Variants in WDR35 observed in about 807,000 individuals in gnomAD.
The protein encoded by WDR35 is WD repeat-containing protein 35.
Under a neutral mutation model 158.3 loss-of-function variants are expected in WDR35, and 118 were observed. The ratio of observed to expected loss-of-function variants is 0.75; its 90% CI spans 0.64 to 0.87. The LOEUF (loss-of-function observed/expected upper bound fraction) is 0.87, where lower values mean the gene tolerates loss of function less well. Ranked by LOEUF, WDR35 falls within the 40% of genes least tolerant of loss-of-function variation. The probability of loss-of-function intolerance (pLI) is 0.00; values close to 1 mark genes in which losing one functional copy is unlikely to be tolerated. For missense variants in WDR35, 1,263 were observed against 1,405.8 expected, an observed-to-expected ratio of 0.90 and a Z score of 1.62; for synonymous variants, 448 against 476.1, an observed-to-expected ratio of 0.94 and a Z score of 0.77.
At chr2:19,969,178 G>T (rs7575732) in intron 9 of WDR35, among the ~76,000 whole-genome samples, 1 of 151,970 alleles carries the variant, frequency 6.6e-6, no homozygotes, top group South Asian at 2.1e-4. Flanking sequence ...TCTTTGGGTG[G>T]TACTTTTTAT....
chr2:19,982,558 C>T, intron 2 of WDR35, 24 bp from the exon 3 acceptor site: 2 of 1,607,794 alleles, frequency 1.2e-6, no homozygotes, highest in East Asian at 2.2e-5. Flanking sequence ...AAACAAACTA[C>T]TATGATAAAT....
intron 12 of WDR35, 65 bp downstream of exon 12, chr2:19,953,769 A>G (rs547119714): frequency 4.4e-6 from 7 of 1,604,956 alleles, no homozygotes; most frequent in South Asian, 3.3e-5. Context: ...ACAATTTACA[A>G]TTACTATGTC....
chr2:19,940,686 T>C (rs1378832681), intron 17 of WDR35, among the ~76,000 whole-genome samples: 1 of 152,180 alleles, frequency 6.6e-6, no homozygotes, highest in Non-Finnish European at 1.5e-5. Flanking sequence ...TGCTTCTTCC[T>C]TTGGGGCACC....
chr2:19,920,624 T>C (rs911045992), intron 25 of WDR35, among the ~76,000 whole-genome samples: 1 of 152,166 alleles, frequency 6.6e-6, no homozygotes, highest in African/African-American at 2.4e-5. Context: ...GCCAATATCA[T>C]ACTGAATGGG....
chr2:19,913,347 T>A lies in WDR35; in HGVS notation c.*211A>T, dbSNP rs978822049. On this transcript the variant is annotated 3_prime_UTR_variant, in exon 27 of 27. Transcript: ENST00000281405. ...TGAGAGAAAACATGGTTGATTTTCA[T>A]ACATTTATATGAAAATCGGCCTTAT... 4 of 497,596 alleles carry A rather than the reference T, an allele frequency of 8.0e-6. No homozygotes were observed. The highest frequency in any genetic ancestry group is 6.9e-6 in the Non-Finnish European group (2 of 288,228). 30.8% of individuals were successfully genotyped at this position (497,596 alleles called of 1,614,324 possible).
chr2:19,913,895 T>TA, intron 26 of WDR35, 142 bp downstream of exon 26: 1 of 1,417,930 alleles, frequency 7.1e-7, no homozygotes. Context: ...AATACACTTG[T>TA]AAAAATAAAT....
At chr2:19,978,098 G>T (rs1438137483) in intron 5 of WDR35, among the ~76,000 whole-genome samples, 2 of 151,932 alleles carry the variant, frequency 1.3e-5, no homozygotes, top group East Asian at 3.9e-4. Flanking sequence ...ATCTAGGTCT[G>T]GTCATTGCTG....
At chr2:19,939,274 G>A (rs1670797283) in intron 17 of WDR35, among the ~76,000 whole-genome samples, 1 of 151,914 alleles carries the variant, frequency 6.6e-6, no homozygotes, top group East Asian at 1.9e-4. Context: ...ATTACAAGAC[G>A]AAATTTAAAT....
intron 21 of WDR35, 108 bp from the exon 22 acceptor site, chr2:19,933,619 T>C: frequency 1.1e-6 from 1 of 950,584 alleles, no homozygotes; most frequent in Non-Finnish European, 1.6e-6. Context: ...TTACTGGTAG[T>C]TACAGATTTT....
chr2:19,946,535 T>C lies in WDR35; in HGVS notation c.1560A>G (p.Leu520=). The C allele has an allele frequency of 6.2e-7, 1 of 1,613,670 alleles. No individual in the cohort carries two copies. Among genetic ancestry groups the C allele is most frequent in the African/African-American group, 1.3e-5 (1 of 75,030 alleles). ...RESGTIQRYS[L]PNVGLIQKYS... Reference sequence around the variant, plus strand: ...ATTTTTGAATCAAACCAACATTAGGTAGACTGTATCTCTGAATGGTGCCAG... The same window carrying C: ...ATTTTTGAATCAAACCAACATTAGGCAGACTGTATCTCTGAATGGTGCCAG... Residue 520 remains leucine, a synonymous_variant, in exon 15 of 27, where the codon CTA becomes CTG. Coordinates refer to ENST00000281405, the MANE Select transcript of WDR35 (RefSeq NM_020779.4).
Position 19,941,837 on chromosome 2 carries a change from T to C in WDR35, c.1848A>G (p.Glu616=). Residue 616 remains glutamate, a splice_region_variant and synonymous_variant, in exon 17 of 27, where the codon GAA becomes GAG. Transcript: ENST00000281405. ...AAATATATCCAGAGGTCTGAATGGG[T>C]TCCTTTAAAGACAAAAAAAAAGTTA... ...MYVFRNLDPE[E]PIQTSGYICN... 1.3e-6 allele frequency: 2 copies of C among 1,568,054 alleles called. No individual in the cohort carries two copies. The highest frequency in any genetic ancestry group is 1.8e-4 in the Middle Eastern group (1 of 5,650).
intron 21 of WDR35, among the ~76,000 whole-genome samples, chr2:19,933,851 A>T (rs1315098327): frequency 1.3e-5 from 2 of 152,318 alleles, no homozygotes; most frequent in East Asian, 3.9e-4. Context: ...CCTTTATATC[A>T]ATTGGTGGTA....
At position 19,939,255 on chromosome 2, in the gene WDR35, G is replaced by A. The variant is rs80278300; in HGVS notation, c.1927-854C>T. On this transcript the variant is annotated intron_variant, in intron 17 of 26. Coordinates refer to ENST00000281405, the MANE Select transcript of WDR35 (RefSeq NM_020779.4). The stretch of plus-strand genomic sequence containing the variant: ...TTTAACTATTAAGACTAAACAACTG[G>A]AAATTAGGATTACAAGACGAAATTT... Among the ~76,000 whole-genome samples, 205 of 152,088 alleles carry A rather than the reference G, an allele frequency of 1.3e-3. 4 individuals carry two copies. In the East Asian group the frequency reaches 0.036, roughly 26 times the overall value.
intron 1 of WDR35, among the ~76,000 whole-genome samples, 153 bp downstream of exon 1, chr2:19,989,839 G>A (rs1316081184): frequency 6.6e-6 from 1 of 152,244 alleles, no homozygotes; most frequent in Non-Finnish European, 1.5e-5. Flanking sequence ...GCAGGAAGAG[G>A]TCGGAGGCTG....
chr2:19,976,403 A>C (rs939382999), intron 5 of WDR35, among the ~76,000 whole-genome samples: 6 of 152,120 alleles, frequency 3.9e-5, no homozygotes, highest in African/African-American at 7.2e-5. Context: ...TCTGCCCCAC[A>C]ACTCCATTGA....
chr2:19,924,240 T>TTTTATAG, intron 25 of WDR35, among the ~76,000 whole-genome samples: 1 of 152,224 alleles, frequency 6.6e-6, no homozygotes, highest in East Asian at 1.9e-4. Flanking sequence ...CATATGTGGA[T>TTTTATAG]TTTATAGCTT....
intron 10 of WDR35, among the ~76,000 whole-genome samples, chr2:19,962,826 T>TA (rs1379056457): frequency 1.3e-5 from 2 of 152,194 alleles, no homozygotes; most frequent in African/African-American, 4.8e-5. Flanking sequence ...TTCCACTACT[T>TA]AAAATAAGCT....
intron 17 of WDR35, 71 bp from the exon 18 acceptor site, chr2:19,938,472 A>G: frequency 6.4e-7 from 1 of 1,554,930 alleles, no homozygotes. Context: ...TTTTATATTA[A>G]AAACCAGAAC....
At chr2:19,953,210 A>G (rs1671306302) in intron 12 of WDR35, among the ~76,000 whole-genome samples, 1 of 152,122 alleles carries the variant, frequency 6.6e-6, no homozygotes, top group African/African-American at 2.4e-5. Flanking sequence ...ATAACTTACA[A>G]AACACAGTAA....
Sources: gnomAD v4.1 joint callset for allele counts (sites outside exome capture counted in the v4.1 genomes callset) on GRCh38, gnomAD v4.1.1 for gene constraint, MANE v1.5 for transcripts, NCBI Gene and HGNC (gene_info 2026-07-23, HGNC 2026-07-21) for gene names.